CD163: variants seen among roughly 807,000 people sequenced by gnomAD.
CD163 encodes CD163 molecule.
Under a neutral mutation model 129.2 loss-of-function variants are expected in CD163, and 64 were observed. That is an observed-to-expected ratio of 0.50 (90% confidence interval 0.41 to 0.61). The LOEUF (loss-of-function observed/expected upper bound fraction) is 0.61, where lower values mean the gene tolerates loss of function less well. Among genes scored for constraint, CD163 ranks in the 20% least tolerant of loss-of-function variants. The probability of loss-of-function intolerance (pLI) is 0.00; values close to 1 mark genes in which losing one functional copy is unlikely to be tolerated. For missense variants in CD163, 1,061 were observed against 1,377.9 expected (o/e 0.77, Z 3.64); for synonymous variants, 446 against 478.5 (o/e 0.93, Z 0.89).
At chr12:7,475,214 G>C (rs779946774) in intron 16 of CD163, among the ~76,000 whole-genome samples, 1 of 151,026 alleles carries the variant, frequency 6.6e-6, no homozygotes, top group African/African-American at 2.4e-5. Flanking sequence ...TAGAAAAAGA[G>C]AGACTCCTCC....
At chr12:7,490,482 C>CT (rs1379847283) in intron 6 of CD163, among the ~76,000 whole-genome samples, 1 of 152,056 alleles carries the variant, frequency 6.6e-6, no homozygotes, top group East Asian at 1.9e-4. Context: ...CAAACTATTT[C>CT]TTTTAACTTG....
At position 7,495,461 on chromosome 12, in the gene CD163, T is replaced by A; in HGVS notation, c.1100-60A>T. On this transcript the variant is annotated intron_variant, in intron 5 of 16. Transcript: ENST00000432237. ...ATATGGAGGTTAGCTTCCAGAGGAT[T>A]TTTTTTTGTCTTTTTTCTTCTCTGA... 5 of 1,494,644 alleles carry A rather than the reference T, an allele frequency of 3.3e-6. No individual in the cohort carries two copies. In the South Asian group the frequency reaches 5.0e-5, roughly 15 times the overall value. The allele number at this position is 1,494,644 out of a possible 1,614,324, so 92.6% of individuals were successfully genotyped here.
rs1180715622 is a variant in CD163, at chr12:7,487,559, G to A, written c.1850C>T (p.Ala617Val). Residue 617 changes from alanine to valine, a missense_variant, in exon 8 of 17, where the codon GCC becomes GTC. Transcript: ENST00000432237. The surrounding 1 kb of genome is among the most constrained non-coding windows in gnomAD (Gnocchi z 5.1). ...LCNSHWDIED[A>V]HVLCQQLKCG... ...TTTAAGCTGCTGGCAAAGAACATGG[G>A]CATCTTCTATGTCCCAGTGAGAGTT... 1.2e-6 allele frequency: 2 copies of A among 1,614,126 alleles called. No individual in the cohort carries two copies. Among genetic ancestry groups the A allele is most frequent in the Non-Finnish European group, 8.5e-7 (1 of 1,180,012 alleles).
intron 6 of CD163, 94 bp from the exon 7 acceptor site, chr12:7,488,181 G>C (rs1327609856): frequency 3.1e-6 from 4 of 1,297,388 alleles, no homozygotes; most frequent in Non-Finnish European, 4.2e-6. Context: ...GTGGGAAATG[G>C]AGACCAGGGT....
intron 6 of CD163, among the ~76,000 whole-genome samples, chr12:7,493,050 G>A (rs954174934): frequency 6.6e-6 from 1 of 152,156 alleles, no homozygotes; most frequent in Non-Finnish European, 1.5e-5. Context: ...AGATGGCATT[G>A]GGTTATAAAG....
At chr12:7,484,937 G>A (rs763041886) in intron 11 of CD163, among the ~76,000 whole-genome samples, 159 bp downstream of exon 11, 16 of 152,258 alleles carry the variant, frequency 1.1e-4, no homozygotes, top group Non-Finnish European at 1.5e-5. Context: ...ACACTATCCA[G>A]GTAGAATAGA....
At position 7,485,309 on chromosome 12, in the gene CD163, A is replaced by G; in HGVS notation, c.2566T>C (p.Ser856Pro). ...CACACCACACCCACAGTGGTTTCAGACATGCTACTCTTGCCAACAGTGCCC... is the reference window on the plus strand; with the variant it reads ...CACACCACACCCACAGTGGTTTCAGGCATGCTACTCTTGCCAACAGTGCCC... ...AWGTVGKSSM[S>P]ETTVGVVCRQ... Residue 856 changes from serine (S) to proline (P), a missense_variant, in exon 11 of 17, where the codon TCT becomes CCT. Physicochemically the swap from Ser to Pro is moderately conservative, Grantham distance 74 (BLOSUM62 -1). Transcript: ENST00000432237. The surrounding 1 kb of genome is among the most constrained non-coding windows in gnomAD (Gnocchi z 4.5). 1 of 1,614,210 alleles carries G rather than the reference A, an allele frequency of 6.2e-7. No individual in the cohort carries two copies. Among genetic ancestry groups the G allele is most frequent in the Non-Finnish European group, 8.5e-7 (1 of 1,180,028 alleles).
chr12:7,482,556 G>C, intron 14 of CD163, 87 bp downstream of exon 14: 1 of 1,404,860 alleles, frequency 7.1e-7, no homozygotes. Context: ...CCATCTTTCT[G>C]GCCATTAGAC....
rs1243248440 is a variant in CD163 at position 7,487,749 on chromosome 12, T to C, written c.1735+24A>G. ...GTCCCTTTCACAGTATGAGAACCAATTAAAGATGTTTTCTGGGTCTTACTT... is the reference window on the plus strand; with the variant it reads ...GTCCCTTTCACAGTATGAGAACCAACTAAAGATGTTTTCTGGGTCTTACTT... On this transcript the variant is annotated intron_variant, in intron 7 of 16. Coordinates refer to ENST00000432237, the MANE Select transcript of CD163 (RefSeq NM_203416.4). The surrounding 1 kb of genome is among the most constrained non-coding windows in gnomAD (Gnocchi z 5.1). 1 of 1,613,944 alleles carries C rather than the reference T, an allele frequency of 6.2e-7. No homozygotes were observed. The highest frequency in any genetic ancestry group is 8.5e-7 in the Non-Finnish European group (1 of 1,180,006).
intron 1 of CD163, 129 bp from the exon 2 acceptor site, chr12:7,502,693 A>G (rs1313305841): frequency 4.5e-6 from 3 of 673,336 alleles, no homozygotes; most frequent in Non-Finnish European, 8.1e-6. Flanking sequence ...TCTAAATTGC[A>G]AGGCAGGCAG....
At chr12:7,495,492 A>T in intron 5 of CD163, 91 bp from the exon 6 acceptor site, 4 of 1,058,564 alleles carry the variant, frequency 3.8e-6, no homozygotes, top group South Asian at 3.2e-5. Context: ...TCTGATACTG[A>T]TGCATTGAAA....
In CD163 at chr12:7,481,141, C is replaced by T. The variant is rs371084972; in HGVS notation, c.3343+20G>A. 110 of 1,612,868 alleles carry T rather than the reference C, an allele frequency of 6.8e-5. 1 individual carries two copies. The Middle Eastern group carries it at 1.2e-3, about 17-fold the overall frequency. ...CTGATCTGAACCCCTGGGCAATAGA[C>T]CCTCCAAGAACCCACAGACCTGAGG... is the stretch of plus-strand genomic sequence containing the variant. On this transcript the variant is annotated intron_variant, in intron 15 of 16. Coordinates refer to ENST00000432237, the MANE Select transcript of CD163 (RefSeq NM_203416.4).
chr12:7,486,747 T>G lies in CD163; in HGVS notation c.2210A>C (p.Glu737Ala). 1 of 1,614,172 alleles carries G rather than the reference T, an allele frequency of 6.2e-7. No homozygotes were observed. The highest frequency in any genetic ancestry group is 8.5e-7 in the Non-Finnish European group (1 of 1,180,002). ...ATCACAGATGGTGCCCCAGGAGCCC[T>G]CATGATAGATCTCTACTCTCCCAGC... The part of the protein sequence containing the change: ...RCAGRVEIYH[E>A]GSWGTICDDS... Residue 737 changes from glutamate (E) to alanine (A), a missense_variant, in exon 10 of 17, where the codon GAG becomes GCG. Physicochemically the swap from Glu to Ala is moderately radical, Grantham distance 107. Transcript: ENST00000432237.
chr12:7,496,554 C>T lies in CD163; in HGVS notation c.1099+259G>A, dbSNP rs1375767985. On this transcript the variant is annotated intron_variant, in intron 5 of 16. Transcript: ENST00000432237. This position sits in a 1 kb window ranked among gnomAD's most constrained non-coding sequence, Gnocchi z 4.8. ...TAGGAAATTTTGTCTCTCTGAGCTC[C>T]AGGTAGATTCTGAGTTTGAAGTGTG... 6.6e-6 allele frequency among the ~76,000 whole-genome samples: 1 copy of T among 152,020 alleles called. No individual in the cohort carries two copies. The highest frequency in any genetic ancestry group is 1.9e-4 in the East Asian group (1 of 5,198).
Position 7,501,182 on chromosome 12 carries a change from A to G in CD163, c.414T>C (p.His138=). The G allele has an allele frequency of 6.2e-7, 1 of 1,614,126 alleles. No homozygotes were observed. Among genetic ancestry groups the G allele is most frequent in the South Asian group, 1.1e-5 (1 of 91,068 alleles). The change falls in exon 3 of 17, where the codon CAT becomes CAC. Residue 138 remains histidine (H), a synonymous_variant. Coordinates refer to ENST00000432237, the MANE Select transcript of CD163 (RefSeq NM_203416.4). Reference sequence around the variant, plus strand: ...CATCTTGTTGGTGAGTACAGTTACTATGCTTTCCCCATCCATCATGTTTGC... The same window carrying G: ...CATCTTGTTGGTGAGTACAGTTACTGTGCTTTCCCCATCCATCATGTTTGC... ...WDCKHDGWGK[H]SNCTHQQDAG...
At position 7,499,200 on chromosome 12, in the gene CD163, A is replaced by C. The variant is rs1251766861; in HGVS notation, c.458-12T>G. The C allele has an allele frequency of 1.9e-6, 3 of 1,596,128 alleles. No homozygotes were observed. Among genetic ancestry groups the C allele is most frequent in the Non-Finnish European group, 2.6e-6 (3 of 1,171,406 alleles). On this transcript the variant is annotated splice_polypyrimidine_tract_variant and intron_variant, in intron 3 of 16. Coordinates refer to ENST00000432237, the MANE Select transcript of CD163 (RefSeq NM_203416.4). ...CAAATTGGATCCATCTGGAGCAGAG[A>C]AAAGACCAGAGTTCAGAAGTTACAT... is the stretch of plus-strand genomic sequence containing the variant.
chr12:7,483,843 T>A (rs11613098), intron 11 of CD163, 168 bp from the exon 12 acceptor site: 3,973 of 38,064 alleles, frequency 0.1, 45 homozygotes, highest in Non-Finnish European at 0.13. Flanking sequence ...ATATATATAT[T>A]TTTTTTTTTT....
rs780582176 is a variant in CD163, at chr12:7,483,669, A to T, written c.2786T>A (p.Ile929Lys). The T allele has an allele frequency of 6.2e-7, 1 of 1,604,302 alleles. No homozygotes were observed. Among genetic ancestry groups the T allele is most frequent in the Non-Finnish European group, 8.5e-7 (1 of 1,173,758 alleles). Residue 929 changes from isoleucine (I) to lysine (K), a missense_variant, in exon 12 of 17, where the codon ATA becomes AAA. Physicochemically the swap from Ile to Lys is moderately radical, Grantham distance 102. Transcript: ENST00000432237. ...GGAAGTGGGTCCTTCCTGAAGTCTTATCTTGTCTGAAAAATCAGAGACATG... is the reference window on the plus strand; with the variant it reads ...GGAAGTGGGTCCTTCCTGAAGTCTTTTCTTGTCTGAAAAATCAGAGACATG... Reference protein sequence around the residue: ...EETWITCDNKIRLQEGPTSCS... With the variant: ...EETWITCDNKKRLQEGPTSCS...
At chr12:7,482,944 C>T in intron 13 of CD163, 22 bp downstream of exon 13, 2 of 1,611,458 alleles carry the variant, frequency 1.2e-6, no homozygotes, top group South Asian at 1.1e-5. Flanking sequence ...TTGGTCTCAT[C>T]ATCATAAACT....
Sources: allele counts gnomAD v4.1 joint callset (sites outside exome capture counted in the v4.1 genomes callset), GRCh38; gene constraint gnomAD v4.1.1; non-coding constraint Gnocchi (gnomAD v3.1); transcripts MANE v1.5; gene names NCBI Gene and HGNC (gene_info 2026-07-23, HGNC 2026-07-21).